AFF1: variants seen among roughly 807,000 people sequenced by gnomAD.
AFF1 encodes the protein ALF transcription elongation factor 1.
In AFF1, 48 loss-of-function variants were observed where a neutral mutation model predicts 121.7. The observed-to-expected ratio is 0.39, with a 90% confidence interval of 0.31 to 0.50. The LOEUF is 0.50. Among genes scored for constraint, AFF1 ranks in the 20% least tolerant of loss-of-function variants. The probability of loss-of-function intolerance (pLI) is 0.76; values close to 1 mark genes in which losing one functional copy is unlikely to be tolerated. For missense variants in AFF1, 1,523 were observed against 1,511.7 expected (o/e 1.01, Z -0.12); for synonymous variants, 613 against 563.0 (o/e 1.09, Z -1.26).
chr4:86,952,732 A>C (rs1721446271), intron 2 of AFF1, among the ~76,000 whole-genome samples: 2 of 139,548 alleles, frequency 1.4e-5, no homozygotes, highest in Non-Finnish European at 3.0e-5. Context: ...TCTGTCCCTC[A>C]GGCTGGAGTG....
chr4:86,974,598 G>A (rs1391498876), intron 2 of AFF1, among the ~76,000 whole-genome samples: 2 of 152,168 alleles, frequency 1.3e-5, no homozygotes, highest in African/African-American at 4.8e-5. Context: ...TTGAAGTGCA[G>A]ATGAAGGTAT....
At chr4:87,118,941 A>AGGTTTCCCATT (rs1055267499) in intron 12 of AFF1, among the ~76,000 whole-genome samples, 2 of 152,176 alleles carry the variant, frequency 1.3e-5, no homozygotes, top group Non-Finnish European at 2.9e-5. Flanking sequence ...TGCCTTCTAG[A>AGGTTTCCCATT]GGTTTCCCAT....
At chr4:87,015,913 G>A (rs1002754123) in intron 2 of AFF1, among the ~76,000 whole-genome samples, 1 of 152,346 alleles carries the variant, frequency 6.6e-6, no homozygotes, top group African/African-American at 2.4e-5. Context: ...GGGCGTGGTC[G>A]CTCATGCCTG....
Position 87,126,139 on chromosome 4 carries a change from C to A in AFF1, c.2614C>A (p.Leu872Ile). ...CTCACAGTCCTCAAAGAAGGAAATG[C>A]TCCCCCCGCCACCCGTGTCCTCGTC... Reference protein sequence around the residue: ...PSSQSSKKEMLPPPPVSSSSQ... With the variant: ...PSSQSSKKEMIPPPPVSSSSQ... Residue 872 changes from leucine to isoleucine, a missense_variant, in exon 14 of 21, where the codon CTC (leucine) becomes ATC (isoleucine). Leu to Ile is a conservative substitution (Grantham distance 5). Coordinates refer to ENST00000395146, the MANE Select transcript of AFF1 (RefSeq NM_001166693.3). 6.2e-7 allele frequency: 1 copy of A among 1,614,176 alleles called. No homozygotes were observed. Among genetic ancestry groups the A allele is most frequent in the Non-Finnish European group, 8.5e-7 (1 of 1,180,022 alleles).
intron 12 of AFF1, among the ~76,000 whole-genome samples, chr4:87,121,777 C>T (rs1400149533): frequency 2.0e-5 from 3 of 152,192 alleles, no homozygotes; most frequent in Admixed American, 6.5e-5. Flanking sequence ...TAGATGCTGG[C>T]GCTGAAGTTA....
At chr4:87,020,828 C>A in intron 2 of AFF1, 1 of 985,338 alleles carries the variant, frequency 1.0e-6, no homozygotes, top group Non-Finnish European at 1.2e-6. Context: ...TTAACGTCGT[C>A]TTTTCAAATT....
chr4:87,009,586 G>T (rs1726521088), intron 2 of AFF1, among the ~76,000 whole-genome samples: 1 of 152,174 alleles, frequency 6.6e-6, no homozygotes, highest in Admixed American at 6.5e-5. Flanking sequence ...CTTAGTCTGT[G>T]TGTTGGGAGT....
intron 4 of AFF1, among the ~76,000 whole-genome samples, chr4:87,053,299 G>A (rs1731448123): frequency 6.6e-6 from 1 of 152,112 alleles, no homozygotes; most frequent in Non-Finnish European, 1.5e-5. Flanking sequence ...CCAGATGCTT[G>A]CATTTAATTT....
chr4:87,021,050 A>C (rs988679613), intron 2 of AFF1, among the ~76,000 whole-genome samples: 7 of 152,104 alleles, frequency 4.6e-5, no homozygotes, highest in Non-Finnish European at 8.8e-5. Flanking sequence ...CATCAAATTC[A>C]CTGTACCTTT....
In AFF1 at chr4:87,139,247, C is replaced by G. The variant is rs1188720807; in HGVS notation, c.*3546C>G. ...ATGGCTTCAGGGATGCTACATGGCT[C>G]TTGCACCTTTTACTCCTCTGCTTTA... On this transcript the variant is annotated 3_prime_UTR_variant, in exon 21 of 21. Transcript: ENST00000395146. 4.3e-6 allele frequency: 1 copy of G among 232,622 alleles called. No individual in the cohort carries two copies. Among genetic ancestry groups the G allele is most frequent in the South Asian group, 1.8e-4 (1 of 5,522 alleles). 14.4% of individuals were successfully genotyped at this position (232,622 alleles called of 1,614,324 possible). A position where few individuals can be genotyped will look rare whatever the true frequency, so the allele number is the denominator to read the frequency against.
At chr4:87,131,400 T>A (rs1728813320) in intron 17 of AFF1, among the ~76,000 whole-genome samples, 181 bp downstream of exon 17, 1 of 152,274 alleles carries the variant, frequency 6.6e-6, no homozygotes, top group Non-Finnish European at 1.5e-5. Flanking sequence ...TAGCACAGAA[T>A]AACTGGGTCC....
intron 2 of AFF1, among the ~76,000 whole-genome samples, chr4:87,027,210 A>G (rs1728611179): frequency 6.6e-6 from 1 of 152,244 alleles, no homozygotes; most frequent in African/African-American, 2.4e-5. Flanking sequence ...TACTTCTACA[A>G]ATGTATGCAT....
intron 2 of AFF1, among the ~76,000 whole-genome samples, chr4:87,042,510 T>G (rs1242815603): frequency 1.3e-5 from 2 of 152,214 alleles, no homozygotes; most frequent in African/African-American, 2.4e-5. Context: ...CAAGTGTCTT[T>G]CACAAAGCCT....
intron 2 of AFF1, among the ~76,000 whole-genome samples, chr4:87,018,862 G>A (rs1387085588): frequency 2.0e-5 from 3 of 152,152 alleles, no homozygotes; most frequent in Non-Finnish European, 2.9e-5. Context: ...AAAGAAATTC[G>A]AGAGGACATT....
intron 2 of AFF1, among the ~76,000 whole-genome samples, chr4:87,026,297 A>G (rs551958377): frequency 6.6e-6 from 1 of 152,260 alleles, no homozygotes; most frequent in East Asian, 1.9e-4. Flanking sequence ...GGGTTTTGCC[A>G]TGTTGGCCAG....
At chr4:86,973,729 T>C (rs1194370217) in intron 2 of AFF1, 1 of 152,198 alleles carries the variant, frequency 6.6e-6, no homozygotes, top group Non-Finnish European at 1.5e-5. Flanking sequence ...CTTTTCTTTT[T>C]TCCTTTCTCT....
intron 2 of AFF1, among the ~76,000 whole-genome samples, chr4:86,964,557 C>G (rs1722398957): frequency 6.6e-6 from 1 of 151,820 alleles, no homozygotes; most frequent in African/African-American, 2.4e-5. Context: ...TGCCTCAGCT[C>G]CTGAGTAGCT....
chr4:87,134,579 C>T lies in AFF1; in HGVS notation c.3420C>T (p.Ile1140=), dbSNP rs900586305. 1 of 1,614,140 alleles carries T rather than the reference C, an allele frequency of 6.2e-7. No individual in the cohort carries two copies. The highest frequency in any genetic ancestry group is 8.5e-7 in the Non-Finnish European group (1 of 1,179,996). The part of the protein sequence containing the change: ...SVGSSGVAAT[I]STPVTIQNMT... ...GGAGCAGTGGGGTGGCTGCCACTAT[C>T]AGCACCCCAGTCACCATCCAGAATA... Residue 1140 remains isoleucine (I), a synonymous_variant, in exon 20 of 21, where the codon ATC becomes ATT. Coordinates refer to ENST00000395146, the MANE Select transcript of AFF1 (RefSeq NM_001166693.3).
chr4:87,000,728 G>A (rs1304585347), intron 2 of AFF1, among the ~76,000 whole-genome samples: 1 of 151,640 alleles, frequency 6.6e-6, no homozygotes, highest in Non-Finnish European at 1.5e-5. Flanking sequence ...TGATTGATCA[G>A]GGTATTAGGG....
Sources: gnomAD v4.1 joint callset for allele counts (sites outside exome capture counted in the v4.1 genomes callset) on GRCh38, gnomAD v4.1.1 for gene constraint, MANE v1.5 for transcripts, NCBI Gene and HGNC (gene_info 2026-07-23, HGNC 2026-07-21) for gene names.